The following DENND1A variants were observed in gnomAD, a reference collection of about 807,000 sequenced individuals.
DENND1A encodes the protein DENN domain-containing protein 1A.
DENND1A carries 51 observed loss-of-function variants against 113.7 expected under a neutral mutation model. The observed-to-expected ratio is 0.45, with a 90% CI of 0.36 to 0.57. DENND1A has a LOEUF of 0.57. DENND1A is among the 20% of genes least tolerant of loss of function. The pLI, the probability that DENND1A is intolerant of heterozygous loss-of-function variation, is 0.00. For synonymous variants in DENND1A, 565 were observed against 570.8 expected (o/e 0.99, Z 0.14); for missense variants, 1,258 against 1,395.9 (o/e 0.90, Z 1.57).
At chr9:123,773,793 A>G (rs752250205) in intron 3 of DENND1A, among the ~76,000 whole-genome samples, 11 of 152,220 alleles carry the variant, frequency 7.2e-5, no homozygotes, top group Non-Finnish European at 1.6e-4. Flanking sequence ...GTGCAGAGTG[A>G]TTATAGTGTC....
At chr9:123,473,974 T>C (rs2133454534) in intron 13 of DENND1A, among the ~76,000 whole-genome samples, 1 of 145,114 alleles carries the variant, frequency 6.9e-6, no homozygotes, top group South Asian at 2.2e-4. Context: ...TGGGGTAACG[T>C]TTACTTTCTT....
At chr9:123,549,159 A>T (rs2056888263) in intron 13 of DENND1A, among the ~76,000 whole-genome samples, 1 of 152,160 alleles carries the variant, frequency 6.6e-6, no homozygotes, top group Non-Finnish European at 1.5e-5. Context: ...CACCACTCCC[A>T]ACCTGTGTGG....
At chr9:123,399,048 G>A (rs562778454) in intron 21 of DENND1A, among the ~76,000 whole-genome samples, 3 of 151,930 alleles carry the variant, frequency 2.0e-5, no homozygotes, top group Admixed American at 1.3e-4. Flanking sequence ...CGCCCGCCTC[G>A]GCCTCCCAAG....
chr9:123,762,931 G>A (rs554466138), intron 4 of DENND1A, among the ~76,000 whole-genome samples: 2 of 152,284 alleles, frequency 1.3e-5, no homozygotes, highest in South Asian at 4.1e-4. Context: ...GGACTGGAAA[G>A]AACTAGTTAT....
At chr9:123,384,145 T>C (rs996051942) in intron 22 of DENND1A, among the ~76,000 whole-genome samples, 1 of 152,184 alleles carries the variant, frequency 6.6e-6, no homozygotes, top group Non-Finnish European at 1.5e-5. Context: ...TGGCTCTCAC[T>C]TGCACTCAGG....
intron 13 of DENND1A, among the ~76,000 whole-genome samples, chr9:123,540,203 C>T (rs189398769): frequency 8.3e-4 from 126 of 152,316 alleles, no homozygotes; most frequent in Non-Finnish European, 1.5e-3. Flanking sequence ...TAAGCTCTTA[C>T]GAAGAGCCAG....
chr9:123,447,579 G>A (rs1265526270), intron 18 of DENND1A, among the ~76,000 whole-genome samples: 1 of 152,114 alleles, frequency 6.6e-6, no homozygotes, highest in Non-Finnish European at 1.5e-5. Context: ...GCAAGCTTGG[G>A]TTCTTGATTA....
At chr9:123,698,038 C>T (rs1004939391) in intron 5 of DENND1A, among the ~76,000 whole-genome samples, 3 of 152,080 alleles carry the variant, frequency 2.0e-5, no homozygotes, top group Middle Eastern at 3.4e-3. Context: ...AGTTAAGGAC[C>T]GAGAAGATTT....
intron 16 of DENND1A, among the ~76,000 whole-genome samples, chr9:123,453,364 G>A (rs1235184427): frequency 1.3e-5 from 2 of 152,210 alleles, no homozygotes; most frequent in Non-Finnish European, 2.9e-5. Context: ...GGAGACGGGA[G>A]GAGAACATTC....
intron 2 of DENND1A, among the ~76,000 whole-genome samples, chr9:123,865,802 C>A (rs1845731662): frequency 6.6e-6 from 1 of 152,150 alleles, no homozygotes; most frequent in Non-Finnish European, 1.5e-5. Flanking sequence ...CAAAATTACA[C>A]AGGGATATGT....
At chr9:123,499,814 A>C (rs1198352659) in intron 13 of DENND1A, among the ~76,000 whole-genome samples, 1 of 152,206 alleles carries the variant, frequency 6.6e-6, no homozygotes, top group Non-Finnish European at 1.5e-5. Flanking sequence ...GGCTGCTCCC[A>C]CAGCTCTTCC....
At chr9:123,532,890 A>G (rs576679794) in intron 13 of DENND1A, among the ~76,000 whole-genome samples, 1 of 152,342 alleles carries the variant, frequency 6.6e-6, no homozygotes, top group African/African-American at 2.4e-5. Context: ...AAAGAAACTA[A>G]TAAGGCTGCA....
At chr9:123,689,928 C>A (rs1411496171) in intron 5 of DENND1A, among the ~76,000 whole-genome samples, 1 of 151,398 alleles carries the variant, frequency 6.6e-6, no homozygotes, top group Non-Finnish European at 1.5e-5. Context: ...GTTGGAGGTT[C>A]CAGTGAGCCA....
chr9:123,413,378 G>A, intron 19 of DENND1A: 1 of 974,190 alleles, frequency 1.0e-6, no homozygotes, highest in Non-Finnish European at 1.2e-6. Flanking sequence ...TTCCACATGT[G>A]ACTCCCGTAT....
rs554027484 is a variant in DENND1A at position 123,678,503 on chromosome 9, G to A, written c.303-1714C>T. Among the ~76,000 whole-genome samples, 55 of 152,272 alleles carry A rather than the reference G, an allele frequency of 3.6e-4. No homozygotes were observed. The South Asian group carries it at 5.6e-3, about 15-fold the overall frequency. ...TGCTGTGCTAACAGAGTCCAATACC[G>A]ACAGATATGGACACGAGGTAGCGCA... On this transcript the variant is annotated intron_variant, in intron 5 of 23. Transcript: ENST00000394215.
At chr9:123,749,791 A>T (rs541709341) in intron 5 of DENND1A, among the ~76,000 whole-genome samples, 1 of 152,110 alleles carries the variant, frequency 6.6e-6, no homozygotes, top group Non-Finnish European at 1.5e-5. Context: ...ACACTCCTGG[A>T]GTTCTTGAGG....
chr9:123,616,956 G>A (rs1457038332), intron 10 of DENND1A, among the ~76,000 whole-genome samples: 1 of 152,244 alleles, frequency 6.6e-6, no homozygotes, highest in Non-Finnish European at 1.5e-5. Flanking sequence ...GACGCACAGG[G>A]TGTTGTCGGG....
chr9:123,857,872 A>G (rs938060531), intron 2 of DENND1A, among the ~76,000 whole-genome samples: 3 of 152,170 alleles, frequency 2.0e-5, no homozygotes, highest in East Asian at 3.9e-4. Context: ...ATCCTGGCTA[A>G]CACAGTGAAA....
At chr9:123,383,951 G>A in intron 22 of DENND1A, 38 bp from the exon 23 acceptor site, 1 of 1,583,166 alleles carries the variant, frequency 6.3e-7, no homozygotes, top group African/African-American at 1.3e-5. Context: ...TCCCACCCAG[G>A]CCTTCAGGGG....
Sources: gnomAD v4.1 joint callset for allele counts (sites outside exome capture counted in the v4.1 genomes callset) on GRCh38, gnomAD v4.1.1 for gene constraint, MANE v1.5 for transcripts, NCBI Gene and HGNC (gene_info 2026-07-23, HGNC 2026-07-21) for gene names.